The following AP1G2 variants were observed in gnomAD, a reference collection of about 807,000 sequenced individuals.
The protein encoded by AP1G2 is AP-1 complex subunit gamma-like 2.
AP1G2 carries 85 observed loss-of-function variants against 95.8 expected under a neutral mutation model. The observed-to-expected ratio is 0.89, with a 90% confidence interval of 0.74 to 1.06. The LOEUF (loss-of-function observed/expected upper bound fraction) is 1.06. Ranked by LOEUF, AP1G2 falls within the 50% of genes least tolerant of loss-of-function variation. AP1G2 has a pLI of 0.00. For missense variants in AP1G2, 967 were observed against 1,005.8 expected (o/e 0.96, Z 0.52); for synonymous variants, 378 against 400.0 (o/e 0.94, Z 0.66).
At position 23,567,547 on chromosome 14, in the gene AP1G2, A is replaced by G; in HGVS notation, c.-6+192T>C. ...ACCCCACCGGCGCCCCTTCCTATTG[A>G]GCATGCGCGGGAGCCCCACCTATTT... On this transcript the variant is annotated intron_variant, in intron 1 of 21. Transcript: ENST00000397120. This position sits in a 1 kb window ranked among gnomAD's most constrained non-coding sequence, Gnocchi z 5.3. 1.5e-6 allele frequency: 2 copies of G among 1,328,778 alleles called. No homozygotes were observed. The highest frequency in any genetic ancestry group is 2.0e-5 in the South Asian group (1 of 49,310). 82.3% of individuals were successfully genotyped at this position (1,328,778 alleles called of 1,614,324 possible). A position where few individuals can be genotyped will look rare whatever the true frequency, so the allele number is the denominator to read the frequency against.
Position 23,566,656 on chromosome 14 carries a change from T to C in AP1G2, c.235A>G (p.Arg79Gly). Residue 79 changes from arginine (R) to glycine (G), a missense_variant, in exon 3 of 22, where the codon AGA (arginine) becomes GGA (glycine). By Grantham distance (125) the Arg-to-Gly change is moderately radical. Transcript: ENST00000397120. ...TAGCCCACCCTCTTGTCTGTGAATC[T>C]GGAGGAGGCGATCAGTTTCAGGCAC... is the stretch of plus-strand genomic sequence containing the variant. The part of the protein sequence containing the change: ...MECLKLIASS[R>G]FTDKRVGYLG... The C allele has an allele frequency of 6.2e-7, 1 of 1,614,204 alleles. No individual in the cohort carries two copies. The highest frequency in any genetic ancestry group is 8.5e-7 in the Non-Finnish European group (1 of 1,180,032).
rs1168220735 is a variant in AP1G2, at chr14:23,560,010, G to A, written c.2184C>T (p.Pro728=). The A allele has an allele frequency of 1.2e-6, 2 of 1,609,902 alleles. No individual in the cohort carries two copies. The highest frequency in any genetic ancestry group is 8.5e-7 in the Non-Finnish European group (1 of 1,177,266). ...PKSLQLQLQA[P]SGNTVPARGG... is the part of the protein sequence containing the mutation. ...CCCGAGCTGGAACTGTGTTCCCACT[G>A]GGGGCCTGCAGCTGCAGCTGGAGAC... is the stretch of plus-strand genomic sequence containing the variant. Residue 728 remains proline (P), a synonymous_variant, in exon 21 of 22, where the codon CCC becomes CCT. Coordinates refer to ENST00000397120, the MANE Select transcript of AP1G2 (RefSeq NM_003917.5).
chr14:23,563,841 T>C lies in AP1G2; in HGVS notation c.1107A>G (p.Leu369=). 1 of 1,614,016 alleles carries C rather than the reference T, an allele frequency of 6.2e-7. No individual in the cohort carries two copies. The highest frequency in any genetic ancestry group is 8.5e-7 in the Non-Finnish European group (1 of 1,179,954). The change falls in exon 12 of 22, where the codon CTA becomes CTG. Residue 369 remains leucine, a synonymous_variant. Coordinates refer to ENST00000397120, the MANE Select transcript of AP1G2 (RefSeq NM_003917.5). ...DASLSRRALE[L]SLALVNSSNV... is the part of the protein sequence containing the mutation. ...TGGAGCTATTTACCAGAGCCAGGCT[T>C]AGTTCCAGGGCTCTCCTGGCAGGAG...
rs1044335793 is a variant in AP1G2, at chr14:23,563,313, G to A, written c.1410+67C>T. 8 of 1,546,532 alleles carry A rather than the reference G, an allele frequency of 5.2e-6. No homozygotes were observed. In the African/African-American group the frequency reaches 9.6e-5, roughly 19 times the overall value. On this transcript the variant is annotated intron_variant, in intron 14 of 21. Coordinates refer to ENST00000397120, the MANE Select transcript of AP1G2 (RefSeq NM_003917.5). ...GAGAAAAATTGGAATCTAGTAGGGA[G>A]GAGGTGGCCCAGGATGGGCAAGGGA...
Position 23,565,839 on chromosome 14 carries a change from C to T in AP1G2, c.622G>A (p.Ala208Thr). Residue 208 changes from alanine to threonine, a missense_variant, in exon 6 of 22, where the codon GCA (alanine) becomes ACA (threonine). Transcript: ENST00000397120. Reference sequence around the variant, plus strand: ...ACCTTTCGGAAGTGCCTGAGGGCTGCAGGGCTTCGTTCGCAGAGCTCCGTG... The same window carrying T: ...ACCTTTCGGAAGTGCCTGAGGGCTGTAGGGCTTCGTTCGCAGAGCTCCGTG... The part of the protein sequence containing the change: ...LITELCERSP[A>T]ALRHFRKVVP... The T allele has an allele frequency of 6.3e-7, 1 of 1,577,100 alleles. No individual in the cohort carries two copies. The highest frequency in any genetic ancestry group is 1.2e-5 in the South Asian group (1 of 84,486).
At position 23,562,054 on chromosome 14, in the gene AP1G2, C is replaced by T; in HGVS notation, c.1641G>A (p.Gln547=). ...AGCAGCTCCCGTAGATGGACACCAC[C>T]TGGCGGATGCGGCTGGGCCAGTGTA... ...RLCGDNNRIR[Q]VVSIYGSCLD... Residue 547 remains glutamine, a synonymous_variant, in exon 17 of 22, where the codon CAG becomes CAA. Transcript: ENST00000397120. 6.2e-7 allele frequency: 1 copy of T among 1,613,594 alleles called. No individual in the cohort carries two copies. Among genetic ancestry groups the T allele is most frequent in the Non-Finnish European group, 8.5e-7 (1 of 1,179,848 alleles).
Position 23,567,635 on chromosome 14 carries a change from C to T in AP1G2, c.-6+104G>A. ...CCTAGCTCAGCCATTGCTTTTTTTT[C>T]CACGACCCTCCGCTGTTTCTTCCGC... On this transcript the variant is annotated intron_variant, in intron 1 of 21. Coordinates refer to ENST00000397120, the MANE Select transcript of AP1G2 (RefSeq NM_003917.5). This position sits in a 1 kb window ranked among gnomAD's most constrained non-coding sequence, Gnocchi z 5.3. 8.9e-7 allele frequency: 1 copy of T among 1,120,698 alleles called. No individual in the cohort carries two copies. The highest frequency in any genetic ancestry group is 1.1e-6 in the Non-Finnish European group (1 of 915,466). 69.4% of individuals were successfully genotyped at this position (1,120,698 alleles called of 1,614,324 possible).
intron 17 of AP1G2, 138 bp from the exon 18 acceptor site, chr14:23,561,773 T>C (rs1884823491): frequency 6.8e-7 from 1 of 1,468,410 alleles, no homozygotes; most frequent in Non-Finnish European, 9.0e-7. Flanking sequence ...TAAAATGACA[T>C]GTTGTTGCTG....
chr14:23,564,506 C>T, intron 9 of AP1G2, 56 bp downstream of exon 9: 1 of 1,601,920 alleles, frequency 6.2e-7, no homozygotes, highest in Non-Finnish European at 8.6e-7. Context: ...CAAGCAGGAC[C>T]TGTGTGGGTG....
At chr14:23,563,898 T>C in intron 11 of AP1G2, 42 bp from the exon 12 acceptor site, 1 of 1,606,632 alleles carries the variant, frequency 6.2e-7, no homozygotes, top group Non-Finnish European at 8.5e-7. Flanking sequence ...GCCCAGGTCA[T>C]CCTGGTCCAT....
In AP1G2 at chr14:23,566,483, A is replaced by C. The variant is rs373946631; in HGVS notation, c.330-64T>G. 5.8e-4 allele frequency: 929 copies of C among 1,607,472 alleles called. 11 individuals are homozygous for C. Among genetic ancestry groups the C allele is most frequent in the South Asian group, 5.3e-3 (479 of 90,950 alleles). On this transcript the variant is annotated intron_variant, in intron 3 of 21. Coordinates refer to ENST00000397120, the MANE Select transcript of AP1G2 (RefSeq NM_003917.5). ...AAAATCAGTCCTTTTCAATACCCAC[A>C]ACAGGCAGTCCCCTGGGATTTCCAA...
chr14:23,567,637 A>C lies in AP1G2; in HGVS notation c.-6+102T>G. ...TAGCTCAGCCATTGCTTTTTTTTCC[A>C]CGACCCTCCGCTGTTTCTTCCGCGA... On this transcript the variant is annotated intron_variant, in intron 1 of 21. Coordinates refer to ENST00000397120, the MANE Select transcript of AP1G2 (RefSeq NM_003917.5). The surrounding 1 kb of genome is among the most constrained non-coding windows in gnomAD (Gnocchi z 5.3). 1 of 1,108,750 alleles carries C rather than the reference A, an allele frequency of 9.0e-7. No individual in the cohort carries two copies. The highest frequency in any genetic ancestry group is 1.1e-6 in the Non-Finnish European group (1 of 908,566). The allele number at this position is 1,108,750 out of a possible 1,614,324, so 68.7% of individuals were successfully genotyped here.
Position 23,567,763 on chromosome 14 carries a change from C to T in AP1G2, c.-30G>A. 1 of 1,006,108 alleles carries T rather than the reference C, an allele frequency of 9.9e-7. No individual in the cohort carries two copies. The highest frequency in any genetic ancestry group is 1.2e-6 in the Non-Finnish European group (1 of 842,972). 62.3% of individuals were successfully genotyped at this position (1,006,108 alleles called of 1,614,324 possible). ...CCTGGCTTCTGCCTCAACTCCGCTC[C>T]TCTGCCCCCCAGCGCTTCCTGGTAC... On this transcript the variant is annotated 5_prime_UTR_variant, in exon 1 of 22. Transcript: ENST00000397120. This position sits in a 1 kb window ranked among gnomAD's most constrained non-coding sequence, Gnocchi z 5.3.
chr14:23,565,547 A>G, intron 7 of AP1G2, 59 bp downstream of exon 7: 1 of 1,439,208 alleles, frequency 6.9e-7, no homozygotes, highest in Non-Finnish European at 9.7e-7. Context: ...ACCACTGGTC[A>G]TGGTCTTACT....
intron 19 of AP1G2, chr14:23,561,023 G>A (rs1373951593): frequency 2.8e-6 from 3 of 1,059,744 alleles, no homozygotes; most frequent in Non-Finnish European, 3.6e-6. Context: ...AGGGTGTGAG[G>A]AGCTGAGAAG....
rs149292012 is a variant in AP1G2, at chr14:23,561,961, C to T, written c.1733+1G>A. 104 of 1,607,258 alleles carry T rather than the reference C, an allele frequency of 6.5e-5. No individual in the cohort carries two copies. Among genetic ancestry groups the T allele is most frequent in the Non-Finnish European group, 8.1e-5 (95 of 1,177,054 alleles). On this transcript the variant is annotated splice_donor_variant, in intron 17 of 21. Transcript: ENST00000397120. LOFTEE classifies it high-confidence loss of function. ...ATGCTGCAGCACAGTGCTGGACACACCTCATGTGGTCGTATTTCCGGAAGA... is the reference window on the plus strand; with the variant it reads ...ATGCTGCAGCACAGTGCTGGACACATCTCATGTGGTCGTATTTCCGGAAGA...
intron 14 of AP1G2, 163 bp from the exon 15 acceptor site, chr14:23,562,756 AAG>A (rs67115645): frequency 1.1e-4 from 77 of 671,290 alleles, no homozygotes; most frequent in Middle Eastern, 4.2e-4. Flanking sequence ...TAAAAAAAAA[AAG>A]AGAGAGAGAG....
At chr14:23,564,689 G>A (rs777474409) in intron 8 of AP1G2, 29 bp from the exon 9 acceptor site, 11 of 1,589,476 alleles carry the variant, frequency 6.9e-6, no homozygotes, top group African/African-American at 1.3e-5. Flanking sequence ...AGATGTATCT[G>A]CTCAAGGCCC....
Position 23,565,683 on chromosome 14 carries a change from G to A in AP1G2, c.664C>T (p.His222Tyr), listed in dbSNP as rs775592655. ...ATTGTCACCAGAGTCCGGAGGATGTGTACCAGCTGGGGTACCACCTGGAGG... is the reference window on the plus strand; with the variant it reads ...ATTGTCACCAGAGTCCGGAGGATGTATACCAGCTGGGGTACCACCTGGAGG... ...HFRKVVPQLV[H>Y]ILRTLVTMGY... Residue 222 changes from histidine to tyrosine, a missense_variant, in exon 7 of 22, where the codon CAC becomes TAC. By Grantham distance (83) the His-to-Tyr change is moderately conservative. Coordinates refer to ENST00000397120, the MANE Select transcript of AP1G2 (RefSeq NM_003917.5). 2 of 1,614,170 alleles carry A rather than the reference G, an allele frequency of 1.2e-6. No homozygotes were observed. Among genetic ancestry groups the A allele is most frequent in the Admixed American group, 3.3e-5 (2 of 60,034 alleles).
Sources: gnomAD v4.1 joint callset for allele counts on GRCh38, gnomAD v4.1.1 for gene constraint, Gnocchi (gnomAD v3.1) non-coding constraint, MANE v1.5 for transcripts, NCBI Gene and HGNC (gene_info 2026-07-23, HGNC 2026-07-21) for gene names.